Variants in TRAF3 observed in about 807,000 individuals in gnomAD.
The protein encoded by TRAF3 is TNF receptor-associated factor 3.
In TRAF3, 13 loss-of-function variants were observed where a neutral mutation model predicts 62.3. The observed-to-expected ratio is 0.21, with a 90% confidence interval of 0.14 to 0.33. The LOEUF (loss-of-function observed/expected upper bound fraction) is 0.33. Among genes scored for constraint, TRAF3 ranks in the 10% least tolerant of loss-of-function variants. The probability of loss-of-function intolerance (pLI) is 1.00; values close to 1 mark genes in which losing one functional copy is unlikely to be tolerated. For synonymous variants in TRAF3, 269 were observed against 283.4 expected (o/e 0.95, Z 0.51); for missense variants, 440 against 741.8 (o/e 0.59, Z 4.73).
intron 9 of TRAF3, among the ~76,000 whole-genome samples, chr14:102,893,805 C>T (rs1889857264): frequency 1.3e-5 from 2 of 152,194 alleles, no homozygotes; most frequent in Admixed American, 1.3e-4. Context: ...AGAGTCCTCG[C>T]CCTGTTGTCA....
At chr14:102,851,555 C>T (rs1887039148) in intron 2 of TRAF3, among the ~76,000 whole-genome samples, 2 of 152,100 alleles carry the variant, frequency 1.3e-5, no homozygotes, top group Admixed American at 1.3e-4. Context: ...CCATCCTGGC[C>T]AAGATGGTGA....
intron 2 of TRAF3, among the ~76,000 whole-genome samples, chr14:102,858,849 C>T (rs770009740): frequency 5.3e-5 from 8 of 152,152 alleles, no homozygotes; most frequent in Non-Finnish European, 8.8e-5. Context: ...CAAATTTCAC[C>T]ATTGCATTAG....
At chr14:102,858,251 A>G (rs1036224487) in intron 2 of TRAF3, among the ~76,000 whole-genome samples, 1 of 151,768 alleles carries the variant, frequency 6.6e-6, no homozygotes, top group Non-Finnish European at 1.5e-5. Context: ...TCCTAGGTTT[A>G]AGCGATTCTC....
intron 1 of TRAF3, among the ~76,000 whole-genome samples, chr14:102,786,671 G>T (rs1030473953): frequency 1.3e-5 from 2 of 151,928 alleles, no homozygotes; most frequent in African/African-American, 4.8e-5. Context: ...TGGGCAACAA[G>T]AGTAAAACTG....
chr14:102,799,101 C>T (rs1898250612), intron 1 of TRAF3, among the ~76,000 whole-genome samples: 1 of 152,078 alleles, frequency 6.6e-6, no homozygotes, highest in Admixed American at 6.6e-5. Flanking sequence ...CAGAAGTGAC[C>T]TGAGACTGGG....
chr14:102,783,998 A>G (rs1485462513), intron 1 of TRAF3, among the ~76,000 whole-genome samples: 1 of 152,192 alleles, frequency 6.6e-6, no homozygotes, highest in Non-Finnish European at 1.5e-5. Flanking sequence ...GAATGTTAAG[A>G]TCTTACAATG....
intron 2 of TRAF3, among the ~76,000 whole-genome samples, chr14:102,844,218 G>A (rs1383379489): frequency 2.6e-5 from 4 of 152,228 alleles, no homozygotes; most frequent in Non-Finnish European, 5.9e-5. Context: ...CTGAGTATGT[G>A]ATTGTATCAA....
At chr14:102,836,313 C>G (rs910991678) in intron 2 of TRAF3, among the ~76,000 whole-genome samples, 2 of 152,202 alleles carry the variant, frequency 1.3e-5, no homozygotes, top group Non-Finnish European at 2.9e-5. Flanking sequence ...GATTTATTTT[C>G]ATAATTTTCT....
At chr14:102,867,568 C>CA (rs1174493356) in intron 2 of TRAF3, among the ~76,000 whole-genome samples, 3 of 152,102 alleles carry the variant, frequency 2.0e-5, no homozygotes, top group African/African-American at 7.2e-5. Context: ...TGGGTAGGCT[C>CA]AGCCATGGCC....
chr14:102,868,330 G>A (rs796697929), intron 2 of TRAF3, among the ~76,000 whole-genome samples: 19 of 152,252 alleles, frequency 1.2e-4, no homozygotes, highest in African/African-American at 4.1e-4. Context: ...TCTAGGCAGC[G>A]GTGTTCCCTG....
intron 2 of TRAF3, among the ~76,000 whole-genome samples, chr14:102,834,702 A>AG (rs1885878753): frequency 6.6e-6 from 1 of 151,230 alleles, no homozygotes; most frequent in Admixed American, 6.6e-5. Flanking sequence ...AAAAAAAAAA[A>AG]AAAAAGAAAT....
At chr14:102,877,242 CATAG>C (rs745594385) in intron 6 of TRAF3, among the ~76,000 whole-genome samples, 7 of 139,334 alleles carry the variant, frequency 5.0e-5, no homozygotes, top group Non-Finnish European at 7.6e-5. Context: ...TCCCCCAACT[CATAG>C]ATAATCCATT....
chr14:102,860,196 C>T (rs1887602867), intron 2 of TRAF3, among the ~76,000 whole-genome samples: 1 of 152,166 alleles, frequency 6.6e-6, no homozygotes, highest in African/African-American at 2.4e-5. Context: ...TTTAGCCATC[C>T]CCAAAAGTAT....
At position 102,841,520 on chromosome 14, in the gene TRAF3, C is replaced by T. The variant is rs78108609; in HGVS notation, c.-18+11048C>T. 8.5e-5 allele frequency among the ~76,000 whole-genome samples: 13 copies of T among 152,320 alleles called. No homozygotes were observed. The East Asian group carries it at 1.9e-3, about 23-fold the overall frequency. Reference sequence around the variant, plus strand: ...AGCTTTTTCATCTATGGTGTCAGGACGATTCCTCAGAAGGGCTGCCTTAGC... The same window carrying T: ...AGCTTTTTCATCTATGGTGTCAGGATGATTCCTCAGAAGGGCTGCCTTAGC... On this transcript the variant is annotated intron_variant, in intron 2 of 11. Coordinates refer to ENST00000392745, the MANE Select transcript of TRAF3 (RefSeq NM_145725.3).
In TRAF3 at chr14:102,903,621, G is replaced by A. The variant is rs960226838; in HGVS notation, c.1135+192G>A. 5 of 849,352 alleles carry A rather than the reference G, an allele frequency of 5.9e-6. No individual in the cohort carries two copies. The highest frequency in any genetic ancestry group is 2.0e-5 in the Admixed American group (1 of 49,652). 52.6% of individuals were successfully genotyped at this position (849,352 alleles called of 1,614,324 possible). ...CCCAGCAAAGACAAACGTTTCCCGC[G>A]CAGGCTTGTCCCCTCCGTGTGAGGC... On this transcript the variant is annotated intron_variant, in intron 11 of 11. Coordinates refer to ENST00000392745, the MANE Select transcript of TRAF3 (RefSeq NM_145725.3). The surrounding 1 kb of genome is among the most constrained non-coding windows in gnomAD (Gnocchi z 6.4).
intron 1 of TRAF3, among the ~76,000 whole-genome samples, chr14:102,801,620 G>A (rs1383841389): frequency 1.3e-5 from 2 of 151,834 alleles, no homozygotes; most frequent in Non-Finnish European, 2.9e-5. Context: ...CTGCAGCCTC[G>A]ATTTCCTGGG....
At chr14:102,872,056 A>G (rs1490325328) in intron 4 of TRAF3, 88 bp downstream of exon 4, 18 of 1,393,718 alleles carry the variant, frequency 1.3e-5, no homozygotes, top group Non-Finnish European at 1.7e-5. Flanking sequence ...ACTCTGGCAC[A>G]ACACATTCTC....
At chr14:102,798,171 A>T (rs962678330) in intron 1 of TRAF3, among the ~76,000 whole-genome samples, 3 of 152,178 alleles carry the variant, frequency 2.0e-5, no homozygotes, top group African/African-American at 7.2e-5. Context: ...AAAGAAAAAC[A>T]ACATTTAAAA....
intron 9 of TRAF3, among the ~76,000 whole-genome samples, chr14:102,894,757 A>C (rs1382990955): frequency 6.6e-6 from 1 of 152,102 alleles, no homozygotes; most frequent in African/African-American, 2.4e-5. Context: ...GTTGGAGAGC[A>C]GTGGCGCAAT....
Sources: allele counts gnomAD v4.1 joint callset (sites outside exome capture counted in the v4.1 genomes callset), GRCh38; gene constraint gnomAD v4.1.1; non-coding constraint Gnocchi (gnomAD v3.1); transcripts MANE v1.5; gene names NCBI Gene and HGNC (gene_info 2026-07-23, HGNC 2026-07-21).